HSPA14: variants seen among roughly 807,000 people sequenced by gnomAD.
HSPA14 encodes heat shock 70 kDa protein 14.
HSPA14 carries 37 observed loss-of-function variants against 65.5 expected under a neutral mutation model. The observed-to-expected ratio is 0.56, with a 90% CI of 0.43 to 0.74. HSPA14 has a LOEUF of 0.74. HSPA14 is among the 30% of genes least tolerant of loss of function. HSPA14 has a pLI of 0.00. For missense variants in HSPA14, 564 were observed against 607.6 expected, an observed-to-expected ratio of 0.93 and a Z score of 0.75; for synonymous variants, 203 against 214.2, an observed-to-expected ratio of 0.95 and a Z score of 0.46.
At chr10:14,845,420 T>C in intron 3 of HSPA14, 1 of 985,292 alleles carries the variant, frequency 1.0e-6, no homozygotes, top group Non-Finnish European at 1.2e-6. Flanking sequence ...AGAGCAGCAG[T>C]GGGAGCGTAC....
rs1236090885 is a variant in HSPA14 at position 14,871,671 on chromosome 10, G to T, written c.*65G>T. On this transcript the variant is annotated 3_prime_UTR_variant, in exon 14 of 14. Transcript: ENST00000378372. ...CAACATTTGGTTTTGTGTATAAGTG[G>T]TGTTTGTATTAAAATACTTTTTCAA... 2.4e-6 allele frequency: 2 copies of T among 821,752 alleles called. No homozygotes were observed. Among genetic ancestry groups the T allele is most frequent in the Non-Finnish European group, 4.0e-6 (2 of 499,880 alleles). The allele number at this position is 821,752 out of a possible 1,614,324, so 50.9% of individuals were successfully genotyped here.
intron 5 of HSPA14, 85 bp from the exon 6 acceptor site, chr10:14,849,636 A>T: frequency 9.2e-7 from 1 of 1,081,678 alleles, no homozygotes; most frequent in Non-Finnish European, 1.4e-6. Flanking sequence ...GTTAAGTGAG[A>T]TCTTTGTCAT....
chr10:14,863,804 C>G (rs1307239970), intron 10 of HSPA14, among the ~76,000 whole-genome samples: 1 of 152,112 alleles, frequency 6.6e-6, no homozygotes, highest in East Asian at 1.9e-4. Flanking sequence ...CTTGAACTCA[C>G]TTAGAAGGCC....
At chr10:14,868,671 C>T (rs1832827654) in intron 12 of HSPA14, among the ~76,000 whole-genome samples, 1 of 152,132 alleles carries the variant, frequency 6.6e-6, no homozygotes, top group Admixed American at 6.6e-5. Flanking sequence ...TCTATAGGTA[C>T]TTAAACCATA....
At chr10:14,853,878 C>T (rs1834125868) in intron 8 of HSPA14, among the ~76,000 whole-genome samples, 2 of 152,100 alleles carry the variant, frequency 1.3e-5, no homozygotes, top group South Asian at 2.1e-4. Context: ...CACCACCACA[C>T]CCAGCTAATT....
rs1186970451 is a variant in HSPA14 at position 14,842,332 on chromosome 10, G to A, written c.221+2175G>A. On this transcript the variant is annotated intron_variant, in intron 3 of 13. Transcript: ENST00000378372. The surrounding 1 kb of genome is among the most constrained non-coding windows in gnomAD (Gnocchi z 5.2). ...CGGGCATCCGGTGGTCCAGACAGGA[G>A]ACACGAACTCTTCTCTCCATACTAG... The A allele has an allele frequency of 6.5e-7, 1 of 1,536,080 alleles. No homozygotes were observed. Among genetic ancestry groups the A allele is most frequent in the African/African-American group, 1.4e-5 (1 of 73,146 alleles).
At chr10:14,844,425 A>C (rs765503887) in intron 3 of HSPA14, 9 of 994,538 alleles carry the variant, frequency 9.0e-6, no homozygotes, top group South Asian at 4.4e-5. Flanking sequence ...TTGCTGGTCT[A>C]ACTTGACTGC....
intron 1 of HSPA14, chr10:14,838,724 G>T: frequency 2.1e-6 from 1 of 476,870 alleles, no homozygotes; most frequent in Non-Finnish European, 3.7e-6. Context: ...GGGATGCCCG[G>T]AGGGGTCCCA....
intron 12 of HSPA14, among the ~76,000 whole-genome samples, chr10:14,868,504 C>G (rs1421067974): frequency 1.3e-5 from 2 of 148,302 alleles, no homozygotes; most frequent in African/African-American, 4.9e-5. Context: ...GTTGCATTCA[C>G]ACACACACAC....
intron 7 of HSPA14, 116 bp downstream of exon 7, chr10:14,851,439 G>T: frequency 1.5e-6 from 1 of 651,434 alleles, no homozygotes. Flanking sequence ...TTTCTGGATG[G>T]AAAAACAGAC....
chr10:14,841,329 A>G (rs1833968638), intron 3 of HSPA14: 2 of 152,228 alleles, frequency 1.3e-5, no homozygotes, highest in South Asian at 4.1e-4. Flanking sequence ...AGTCTAGAAA[A>G]AAGAATCGTA....
At chr10:14,859,163 A>G (rs1262499238) in intron 10 of HSPA14, among the ~76,000 whole-genome samples, 3 of 152,000 alleles carry the variant, frequency 2.0e-5, no homozygotes, top group African/African-American at 7.3e-5. Flanking sequence ...TCTTTGTATC[A>G]AAGTTCTATC....
At chr10:14,864,222 T>C (rs1365075399) in intron 10 of HSPA14, among the ~76,000 whole-genome samples, 1 of 140,250 alleles carries the variant, frequency 7.1e-6, no homozygotes, top group East Asian at 2.1e-4. Flanking sequence ...AGGGCAAGAC[T>C]CTGTCTCCGG....
At chr10:14,851,881 A>G (rs373395365) in intron 7 of HSPA14, among the ~76,000 whole-genome samples, 1 of 152,370 alleles carries the variant, frequency 6.6e-6, no homozygotes, top group African/African-American at 2.4e-5. Context: ...CTAGTTAAGC[A>G]AAGAAATATG....
At chr10:14,844,563 A>G in intron 3 of HSPA14, 3 of 985,716 alleles carry the variant, frequency 3.0e-6, no homozygotes, top group Non-Finnish European at 3.6e-6. Flanking sequence ...ATCTACTAGT[A>G]AGCACTGTTT....
intron 6 of HSPA14, chr10:14,850,770 GATAA>G (rs1834102508): frequency 6.5e-6 from 1 of 153,034 alleles, no homozygotes; most frequent in Non-Finnish European, 1.5e-5. Context: ...AATAAATAGA[GATAA>G]ATAAGACATG....
chr10:14,868,501 T>TCACACACACA (rs112132864), intron 12 of HSPA14, among the ~76,000 whole-genome samples: 44 of 147,478 alleles, frequency 3.0e-4, no homozygotes, highest in Admixed American at 2.0e-4. Context: ...GCAGTTGCAT[T>TCACACACACA]CACACACACA....
At chr10:14,870,538 A>C in intron 12 of HSPA14, 59 bp from the exon 13 acceptor site, 18 of 1,524,590 alleles carry the variant, frequency 1.2e-5, no homozygotes, top group Non-Finnish European at 1.6e-5. Context: ...AATAATTGAT[A>C]CATCAGTTCA....
At chr10:14,862,011 A>G (rs1832753799) in intron 10 of HSPA14, among the ~76,000 whole-genome samples, 1 of 138,666 alleles carries the variant, frequency 7.2e-6, no homozygotes, top group East Asian at 2.2e-4. Context: ...ACTCTGTCTC[A>G]AAAAAAAAAA....
Sources: allele counts gnomAD v4.1 joint callset (sites outside exome capture counted in the v4.1 genomes callset), GRCh38; gene constraint gnomAD v4.1.1; non-coding constraint Gnocchi (gnomAD v3.1); transcripts MANE v1.5; gene names NCBI Gene and HGNC (gene_info 2026-07-23, HGNC 2026-07-21).